NINJ2: variants seen among roughly 807,000 people sequenced by gnomAD.
The protein encoded by NINJ2 is ninjurin 2.
In NINJ2, 12 loss-of-function variants were observed where a neutral mutation model predicts 11.7. That is an observed-to-expected ratio of 1.02 (90% CI 0.66 to 1.66). The LOEUF is 1.66. Among genes scored for constraint, NINJ2 ranks in the 40% most tolerant of loss-of-function variants. The probability of loss-of-function intolerance (pLI) is 0.00; values close to 1 mark genes in which losing one functional copy is unlikely to be tolerated. For missense variants in NINJ2, 187 were observed against 181.8 expected (o/e 1.03, Z -0.16); for synonymous variants, 93 against 76.8 (o/e 1.21, Z -1.10).
chr12:603,594 AGTCCAACTTTATTCTTTTC>A (rs1947900497), intron 1 of NINJ2, among the ~76,000 whole-genome samples: 2 of 152,220 alleles, frequency 1.3e-5, no homozygotes, highest in Non-Finnish European at 2.9e-5. Context: ...ATGAGGTAAG[AGTCCAACTTTATTCTTTTC>A]CATGTGGACA....
At chr12:574,745 T>C (rs1947429958) in intron 1 of NINJ2, among the ~76,000 whole-genome samples, 1 of 152,228 alleles carries the variant, frequency 6.6e-6, no homozygotes, top group Admixed American at 6.5e-5. Flanking sequence ...GTTATTCTGT[T>C]ATAGCAACAC....
intron 1 of NINJ2, among the ~76,000 whole-genome samples, chr12:592,572 T>C (rs1947731294): frequency 6.6e-6 from 1 of 152,138 alleles, no homozygotes; most frequent in African/African-American, 2.4e-5. Flanking sequence ...AGGTGGCGCA[T>C]GCCTGTAATC....
At chr12:595,786 C>G (rs1947777211) in intron 1 of NINJ2, among the ~76,000 whole-genome samples, 1 of 151,998 alleles carries the variant, frequency 6.6e-6, no homozygotes, top group Non-Finnish European at 1.5e-5. Flanking sequence ...TGATAAAGGA[C>G]AGTTATTTAA....
At position 621,072 on chromosome 12, in the gene NINJ2, G is replaced by A. The variant is rs566497605; in HGVS notation, c.33+42256C>T. 5.9e-5 allele frequency among the ~76,000 whole-genome samples: 9 copies of A among 152,240 alleles called. No homozygotes were observed. In the South Asian group the frequency reaches 6.2e-4, roughly 11 times the overall value. On this transcript the variant is annotated intron_variant, in intron 1 of 3. Transcript: ENST00000305108. ...AGCACTCCTGAGTCTCTAGCTTCACGTCCTTCTTGAAGAAATAGCAGCTAC... is the reference window on the plus strand; with the variant it reads ...AGCACTCCTGAGTCTCTAGCTTCACATCCTTCTTGAAGAAATAGCAGCTAC...
intron 1 of NINJ2, among the ~76,000 whole-genome samples, chr12:599,140 G>A (rs1038799664): frequency 9.9e-5 from 15 of 151,992 alleles, no homozygotes; most frequent in South Asian, 2.1e-4. Flanking sequence ...CCAGCACTTT[G>A]GGAGGCCGAG....
At chr12:632,053 C>G (rs11063979) in intron 1 of NINJ2, among the ~76,000 whole-genome samples, 10,747 of 152,170 alleles carry the variant, frequency 0.071, 488 homozygotes, top group Middle Eastern at 0.12. Context: ...TGGGGAAGGT[C>G]AGCTGAAATA....
chr12:579,349 C>A (rs1274896354), intron 1 of NINJ2, among the ~76,000 whole-genome samples: 1 of 151,174 alleles, frequency 6.6e-6, no homozygotes, highest in African/African-American at 2.4e-5. Flanking sequence ...GTTTCCAGCT[C>A]CTAGCACGAG....
At position 614,835 on chromosome 12, in the gene NINJ2, G is replaced by T. The variant is rs905115373; in HGVS notation, c.33+48493C>A. On this transcript the variant is annotated intron_variant, in intron 1 of 3. Coordinates refer to ENST00000305108, the MANE Select transcript of NINJ2 (RefSeq NM_016533.6). This position sits in a 1 kb window ranked among gnomAD's most constrained non-coding sequence, Gnocchi z 5.1. ...GGGCAAGACCATGTCTTCACACGTC[G>T]GGCAGCGTGCATTGTCAGCGCTCTA... 6.6e-6 allele frequency among the ~76,000 whole-genome samples: 1 copy of T among 152,098 alleles called. No homozygotes were observed. The highest frequency in any genetic ancestry group is 2.1e-4 in the South Asian group (1 of 4,818).
chr12:624,281 C>T (rs1201629558), intron 1 of NINJ2, among the ~76,000 whole-genome samples: 4 of 152,264 alleles, frequency 2.6e-5, no homozygotes, highest in South Asian at 4.1e-4. Flanking sequence ...AAGGCCAATC[C>T]TTCTGCTTAT....
intron 1 of NINJ2, among the ~76,000 whole-genome samples, chr12:573,023 A>ATTT (rs1301909243): frequency 9.4e-6 from 1 of 106,298 alleles, no homozygotes; most frequent in African/African-American, 3.7e-5. Flanking sequence ...CACCCAGCTA[A>ATTT]TTTTTTTTTT....
intron 1 of NINJ2, among the ~76,000 whole-genome samples, chr12:625,879 C>T (rs368767412): frequency 2.0e-5 from 3 of 152,116 alleles, no homozygotes; most frequent in Non-Finnish European, 2.9e-5. Flanking sequence ...CTTGTAGATA[C>T]GTGTGTCTAA....
chr12:590,451 C>T (rs1468932500), intron 1 of NINJ2, among the ~76,000 whole-genome samples: 1 of 152,224 alleles, frequency 6.6e-6, no homozygotes, highest in East Asian at 1.9e-4. Flanking sequence ...TGGGTGGCAA[C>T]TTTGTGCCTT....
intron 1 of NINJ2, among the ~76,000 whole-genome samples, chr12:620,266 C>T (rs1948136888): frequency 6.6e-6 from 1 of 152,258 alleles, no homozygotes; most frequent in African/African-American, 2.4e-5. Flanking sequence ...CCCCAAACTA[C>T]TTCACTAGGA....
chr12:581,760 AG>A lies in NINJ2; in HGVS notation c.34-15583del, dbSNP rs773312671. ...TCCCAGCTCACTCGTCTGTAGAAAG[AG>A]GAGACACCCCTTCCTCCTCGTGGTG... is the stretch of plus-strand genomic sequence containing the variant. On this transcript the variant is annotated intron_variant, in intron 1 of 3. Coordinates refer to ENST00000305108, the MANE Select transcript of NINJ2 (RefSeq NM_016533.6). The surrounding 1 kb of genome is among the most constrained non-coding windows in gnomAD (Gnocchi z 4.9). Among the ~76,000 whole-genome samples, 25 of 152,294 alleles carry A rather than the reference AG, an allele frequency of 1.6e-4. No individual in the cohort carries two copies. Among genetic ancestry groups the A allele is most frequent in the Non-Finnish European group, 2.2e-4 (15 of 68,012 alleles).
intron 1 of NINJ2, among the ~76,000 whole-genome samples, chr12:656,737 A>C (rs1937878403): frequency 2.7e-5 from 4 of 150,536 alleles, no homozygotes; most frequent in African/African-American, 9.7e-5. Context: ...TGACAGAGCA[A>C]GACTCTGTCT....
chr12:582,206 A>G (rs1947564821), intron 1 of NINJ2, among the ~76,000 whole-genome samples: 1 of 152,286 alleles, frequency 6.6e-6, no homozygotes, highest in African/African-American at 2.4e-5. Context: ...TGCCTAACAC[A>G]GAATTTGGCT....
chr12:609,417 C>G (rs1207250325), intron 1 of NINJ2, among the ~76,000 whole-genome samples: 1 of 152,204 alleles, frequency 6.6e-6, no homozygotes, highest in Non-Finnish European at 1.5e-5. Flanking sequence ...GCCCAATTCT[C>G]TTTTCCATTT....
At chr12:643,062 C>A (rs1162406138) in intron 1 of NINJ2, 1 of 153,266 alleles carries the variant, frequency 6.5e-6, no homozygotes, top group Non-Finnish European at 1.5e-5. Flanking sequence ...CCGCGGGCTA[C>A]GGCCGCCTGC....
chr12:575,583 C>T (rs1247293251), intron 1 of NINJ2, among the ~76,000 whole-genome samples: 2 of 152,160 alleles, frequency 1.3e-5, no homozygotes, highest in Non-Finnish European at 2.9e-5. Context: ...TGGCCTTGGG[C>T]GTTGTTGAGT....
Sources: allele counts gnomAD v4.1 joint callset (sites outside exome capture counted in the v4.1 genomes callset), GRCh38; gene constraint gnomAD v4.1.1; non-coding constraint Gnocchi (gnomAD v3.1); transcripts MANE v1.5; gene names NCBI Gene and HGNC (gene_info 2026-07-23, HGNC 2026-07-21).